ANKS1B: variants seen among roughly 807,000 people sequenced by gnomAD.
ANKS1B encodes the protein ankyrin repeat and sterile alpha motif domain-containing protein 1B.
Under a neutral mutation model 148.3 loss-of-function variants are expected in ANKS1B, and 36 were observed. The ratio of observed to expected loss-of-function variants is 0.24; its 90% CI spans 0.19 to 0.32. The LOEUF is 0.32. Among genes scored for constraint, ANKS1B ranks in the 10% least tolerant of loss-of-function variants. ANKS1B has a pLI of 1.00. For missense variants in ANKS1B, 1,157 were observed against 1,542.6 expected, an observed-to-expected ratio of 0.75 and a Z score of 4.19; for synonymous variants, 542 against 560.8, an observed-to-expected ratio of 0.97 and a Z score of 0.47.
intron 17 of ANKS1B, among the ~76,000 whole-genome samples, chr12:98,908,240 A>C (rs2099782110): frequency 6.6e-6 from 1 of 152,196 alleles, no homozygotes; most frequent in Non-Finnish European, 1.5e-5. Flanking sequence ...ATTTTATACC[A>C]GGCCTTGCAA....
At chr12:99,223,760 C>T (rs2085470269) in intron 14 of ANKS1B, among the ~76,000 whole-genome samples, 1 of 152,176 alleles carries the variant, frequency 6.6e-6, no homozygotes, top group African/African-American at 2.4e-5. Flanking sequence ...TGTCTGCCTT[C>T]AGGCTTTCCA....
intron 17 of ANKS1B, among the ~76,000 whole-genome samples, chr12:98,956,120 C>T (rs1299676536): frequency 6.6e-6 from 1 of 152,178 alleles, no homozygotes; most frequent in Admixed American, 6.5e-5. Flanking sequence ...TTATCCCAAG[C>T]CTGGTCTCCC....
chr12:99,571,617 T>A (rs1449886352), intron 9 of ANKS1B, among the ~76,000 whole-genome samples: 1 of 152,112 alleles, frequency 6.6e-6, no homozygotes, highest in African/African-American at 2.4e-5. Context: ...AATGTTAAGG[T>A]CTCATCCATT....
At chr12:99,459,532 C>G (rs1261997890) in intron 10 of ANKS1B, among the ~76,000 whole-genome samples, 2 of 151,962 alleles carry the variant, frequency 1.3e-5, no homozygotes, top group East Asian at 1.9e-4. Context: ...ACAAAAAGTT[C>G]CTAGAACTGG....
rs201049419 is a variant in ANKS1B, at chr12:99,504,613, G to C, written c.1301C>G (p.Thr434Ser). The change falls in exon 10 of 27, where the codon ACT (threonine) becomes AGT (serine). Residue 434 changes from threonine (T) to serine (S), a missense_variant. By Grantham distance (58) the Thr-to-Ser change is moderately conservative. Transcript: ENST00000683438. ...AGAAGCAGATGGTACAATTTCCATA[G>C]TGTAATTTCTCTTCTTTGGATAGGA... is the stretch of plus-strand genomic sequence containing the variant. ...QESYPKKRNY[T>S]MEIVPSASLD... 85 of 1,601,070 alleles carry C rather than the reference G, an allele frequency of 5.3e-5. 1 individual carries two copies. The African/African-American group carries it at 9.4e-4, about 18-fold the overall frequency.
intron 1 of ANKS1B, among the ~76,000 whole-genome samples, chr12:99,910,192 T>C (rs1224685168): frequency 2.6e-5 from 4 of 151,558 alleles, no homozygotes; most frequent in Non-Finnish European, 5.9e-5. Flanking sequence ...CCTTCTCTAC[T>C]AAAAATACAA....
chr12:99,604,251 A>G (rs898579521), intron 9 of ANKS1B, among the ~76,000 whole-genome samples: 2 of 152,086 alleles, frequency 1.3e-5, no homozygotes, highest in African/African-American at 2.4e-5. Context: ...TAGGAATCTC[A>G]TAATTTTTAA....
intron 12 of ANKS1B, among the ~76,000 whole-genome samples, chr12:99,321,088 G>A (rs1364914709): frequency 2.6e-5 from 4 of 152,158 alleles, no homozygotes; most frequent in Admixed American, 1.3e-4. Flanking sequence ...AGGGACACCC[G>A]GTTGTATGAG....
chr12:99,278,920 TA>T (rs1447507132), intron 12 of ANKS1B, among the ~76,000 whole-genome samples: 1 of 152,196 alleles, frequency 6.6e-6, no homozygotes, highest in Admixed American at 6.5e-5. Flanking sequence ...GATCTTGTAT[TA>T]ACCTAAATTA....
chr12:99,698,973 G>GTGTGT (rs56223205), intron 8 of ANKS1B, among the ~76,000 whole-genome samples: 12 of 119,524 alleles, frequency 1.0e-4, no homozygotes, highest in African/African-American at 2.7e-4. Flanking sequence ...TGTGTGTGTG[G>GTGTGT]GTGTGCACGC....
chr12:98,796,150 C>T (rs1378370782), intron 22 of ANKS1B, among the ~76,000 whole-genome samples: 2 of 151,916 alleles, frequency 1.3e-5, no homozygotes, highest in Non-Finnish European at 2.9e-5. Flanking sequence ...ATTGTGAACT[C>T]GGTGGATTTT....
intron 9 of ANKS1B, among the ~76,000 whole-genome samples, chr12:99,630,824 G>A (rs1264878518): frequency 6.6e-6 from 1 of 152,086 alleles, no homozygotes; most frequent in South Asian, 2.1e-4. Context: ...CACCAGCTCT[G>A]GCCCCTTGAC....
intron 9 of ANKS1B, among the ~76,000 whole-genome samples, chr12:99,562,666 G>T (rs969156252): frequency 8.5e-5 from 13 of 152,170 alleles, no homozygotes; most frequent in African/African-American, 3.1e-4. Flanking sequence ...AGAGTGAAGT[G>T]CTGAGCAAAG....
chr12:98,967,268 G>A (rs1237282685), intron 17 of ANKS1B, among the ~76,000 whole-genome samples: 1 of 152,116 alleles, frequency 6.6e-6, no homozygotes, highest in South Asian at 2.1e-4. Context: ...CTTTGTTTCC[G>A]ACGTTGATAT....
intron 8 of ANKS1B, among the ~76,000 whole-genome samples, chr12:99,719,953 C>G (rs766406432): frequency 1.3e-5 from 2 of 152,190 alleles, no homozygotes; most frequent in Non-Finnish European, 2.9e-5. Context: ...CCCGCTGAAA[C>G]TTCCACTTAT....
intron 19 of ANKS1B, among the ~76,000 whole-genome samples, chr12:98,812,146 G>A (rs756601692): frequency 7.9e-5 from 12 of 152,106 alleles, no homozygotes; most frequent in East Asian, 5.8e-4. Context: ...ACAACATAAC[G>A]ATGTTTCAGT....
chr12:99,559,133 C>G (rs946325486), intron 9 of ANKS1B, among the ~76,000 whole-genome samples: 1 of 152,126 alleles, frequency 6.6e-6, no homozygotes, highest in African/African-American at 2.4e-5. Context: ...ACTCTCAATG[C>G]CTTCTCTCTG....
chr12:98,808,207 G>A (rs1353014864), intron 19 of ANKS1B, among the ~76,000 whole-genome samples: 5 of 152,032 alleles, frequency 3.3e-5, no homozygotes, highest in Non-Finnish European at 5.9e-5. Context: ...TATATTTGCC[G>A]GAAAACCAGA....
intron 1 of ANKS1B, among the ~76,000 whole-genome samples, chr12:99,899,831 T>C (rs897420285): frequency 1.7e-4 from 26 of 152,122 alleles, no homozygotes; most frequent in African/African-American, 6.0e-4. Context: ...GCACTTTTCA[T>C]GTCGTAACAG....
Sources: gnomAD v4.1 joint callset for allele counts (sites outside exome capture counted in the v4.1 genomes callset) on GRCh38, gnomAD v4.1.1 for gene constraint, MANE v1.5 for transcripts, NCBI Gene and HGNC (gene_info 2026-07-23, HGNC 2026-07-21) for gene names.